Variants in HACL1 observed in about 807,000 individuals in gnomAD.
The protein encoded by HACL1 is 2-hydroxyacyl-CoA lyase 1, also known as 1600020H07Rik.
A neutral mutation model predicts 74.2 loss-of-function variants in HACL1; 64 were observed. The observed-to-expected ratio is 0.86, with a 90% CI of 0.70 to 1.06. The LOEUF is 1.06. HACL1 is among the 50% of genes least tolerant of loss of function. The pLI is 0.00. For synonymous variants in HACL1, 230 were observed against 238.8 expected (o/e 0.96, Z 0.34); for missense variants, 728 against 719.7 (o/e 1.01, Z -0.13).
intron 7 of HACL1, among the ~76,000 whole-genome samples, chr3:15,584,040 A>T (rs561833969): frequency 1.3e-4 from 20 of 152,328 alleles, no homozygotes; most frequent in African/African-American, 4.3e-4. Context: ...TGTCACAGTT[A>T]AGTATTTCTG....
rs2064239395 is a variant in HACL1, at chr3:15,601,493, C to T, written c.-30G>A. 1 of 1,610,898 alleles carries T rather than the reference C, an allele frequency of 6.2e-7. No homozygotes were observed. Among genetic ancestry groups the T allele is most frequent in the African/African-American group, 1.3e-5 (1 of 74,934 alleles). ...CACCGAAAAGCTCTAAGCACTCACGCAGCCGGCAAACAAGCGGAATCATCC... is the reference window on the plus strand; with the variant it reads ...CACCGAAAAGCTCTAAGCACTCACGTAGCCGGCAAACAAGCGGAATCATCC... On this transcript the variant is annotated 5_prime_UTR_variant, in exon 1 of 17. Transcript: ENST00000321169.
intron 8 of HACL1, among the ~76,000 whole-genome samples, chr3:15,582,297 T>A (rs904807000): frequency 3.3e-5 from 5 of 152,202 alleles, no homozygotes; most frequent in African/African-American, 1.2e-4. Flanking sequence ...AACTTTTCTT[T>A]CTAGGAAACT....
At chr3:15,578,033 G>A (rs1244686640) in intron 9 of HACL1, among the ~76,000 whole-genome samples, 2 of 147,398 alleles carry the variant, frequency 1.4e-5, no homozygotes, top group Non-Finnish European at 3.0e-5. Context: ...AGGAGACAGA[G>A]CTTGCAGTGA....
At position 15,581,798 on chromosome 3, in the gene HACL1, C is replaced by A. The variant is rs547218038; in HGVS notation, c.667+1079G>T. ...TCTCCCCTCCCCAATAGGTAGGAACCACTATTTCTCTGTATCCCTCATGAA... is the reference window on the plus strand; with the variant it reads ...TCTCCCCTCCCCAATAGGTAGGAACAACTATTTCTCTGTATCCCTCATGAA... On this transcript the variant is annotated intron_variant, in intron 8 of 16. Coordinates refer to ENST00000321169, the MANE Select transcript of HACL1 (RefSeq NM_012260.4). Among the ~76,000 whole-genome samples, 5 of 152,324 alleles carry A rather than the reference C, an allele frequency of 3.3e-5. No individual in the cohort carries two copies. The South Asian group carries it at 6.2e-4, about 19-fold the overall frequency.
chr3:15,586,778 G>A (rs2063802138), intron 5 of HACL1, among the ~76,000 whole-genome samples, 176 bp from the exon 6 acceptor site: 1 of 152,136 alleles, frequency 6.6e-6, no homozygotes, highest in South Asian at 2.1e-4. Flanking sequence ...GCCTTGGTAT[G>A]ATTCAGGAAG....
Position 15,568,506 on chromosome 3 carries a change from A to T in HACL1, c.1176T>A (p.Cys392Ter), listed in dbSNP as rs2063472713. 6.3e-7 allele frequency: 1 copy of T among 1,599,256 alleles called. No individual in the cohort carries two copies. Among genetic ancestry groups the T allele is most frequent in the African/African-American group, 1.3e-5 (1 of 74,658 alleles). Reference protein sequence around the residue: ...YHVQEQLPRDCFVVSEGANTM... With the variant: ...YHVQEQLPRD ...TATTTGCTCCTTCACTTACCACGAAACAGTCTCTAGGTAGTTGTTCTTGAA... is the reference window on the plus strand; with the variant it reads ...TATTTGCTCCTTCACTTACCACGAATCAGTCTCTAGGTAGTTGTTCTTGAA... Residue 392 changes from cysteine to a stop codon, truncating the protein, a stop_gained, in exon 13 of 17, where the codon TGT becomes TGA. Coordinates refer to ENST00000321169, the MANE Select transcript of HACL1 (RefSeq NM_012260.4). LOFTEE classifies it high-confidence loss of function.
chr3:15,591,087 AAAGT>A (rs1182167213), intron 4 of HACL1, among the ~76,000 whole-genome samples: 2 of 152,158 alleles, frequency 1.3e-5, no homozygotes, highest in Admixed American at 6.5e-5. Flanking sequence ...TCAAAAAAAG[AAAGT>A]GTTTATCTCT....
intron 14 of HACL1, among the ~76,000 whole-genome samples, chr3:15,565,481 C>T (rs1187203795): frequency 6.6e-6 from 1 of 152,080 alleles, no homozygotes; most frequent in African/African-American, 2.4e-5. Context: ...ATGGTGTAGT[C>T]AGTACAGAAA....
At chr3:15,585,211 A>G (rs2125264529) in intron 7 of HACL1, 37 bp downstream of exon 7, 1 of 970,416 alleles carries the variant, frequency 1.0e-6, no homozygotes, top group Non-Finnish European at 1.7e-6. Flanking sequence ...TAATACATGT[A>G]CATTGAAGAA....
chr3:15,591,946 TAC>T (rs754164221), intron 3 of HACL1, among the ~76,000 whole-genome samples: 3 of 149,984 alleles, frequency 2.0e-5, no homozygotes, highest in South Asian at 2.1e-4. Flanking sequence ...CGTGTATATA[TAC>T]ACACACTATA....
chr3:15,600,804 G>T, intron 2 of HACL1: 1 of 477,684 alleles, frequency 2.1e-6, no homozygotes, highest in Non-Finnish European at 3.8e-6. Flanking sequence ...TTCCAATCAT[G>T]ACATACAGTA....
At chr3:15,595,933 C>T (rs1356407070) in intron 3 of HACL1, 1 of 152,766 alleles carries the variant, frequency 6.5e-6, no homozygotes, top group Admixed American at 6.5e-5. Flanking sequence ...CTTCTTTGTG[C>T]TTTCTATATT....
chr3:15,596,511 G>A (rs1284894838), intron 2 of HACL1, 87 bp from the exon 3 acceptor site: 1 of 764,024 alleles, frequency 1.3e-6, no homozygotes, highest in African/African-American at 1.7e-5. Flanking sequence ...TAATAGACAA[G>A]AACATAGTGG....
At position 15,573,239 on chromosome 3, in the gene HACL1, C is replaced by G. The variant is rs749015768; in HGVS notation, c.913G>C (p.Asp305His). Residue 305 changes from aspartate to histidine, a missense_variant, in exon 11 of 17, where the codon GAT (aspartate) becomes CAT (histidine). By Grantham distance (81) the Asp-to-His change is moderately conservative. Transcript: ENST00000321169. Reference protein sequence around the residue: ...YQPDVKFIQVDICAEELGNNV... With the variant: ...YQPDVKFIQVHICAEELGNNV... ...TTCCCCAATTCTTCTGCACAGATATCAACCTAAAAAAGAGACAAGGCTAAA... is the reference window on the plus strand; with the variant it reads ...TTCCCCAATTCTTCTGCACAGATATGAACCTAAAAAAGAGACAAGGCTAAA... 1.3e-6 allele frequency: 2 copies of G among 1,596,946 alleles called. No homozygotes were observed. The highest frequency in any genetic ancestry group is 2.2e-5 in the South Asian group (2 of 90,578).
chr3:15,594,791 C>T (rs1235352030), intron 3 of HACL1, among the ~76,000 whole-genome samples: 1 of 152,176 alleles, frequency 6.6e-6, no homozygotes, highest in Non-Finnish European at 1.5e-5. Context: ...CTATACTTGC[C>T]AGTGCAGCTC....
intron 12 of HACL1, among the ~76,000 whole-genome samples, chr3:15,569,712 CG>C (rs2063492052): frequency 6.6e-6 from 1 of 151,744 alleles, no homozygotes; most frequent in Non-Finnish European, 1.5e-5. Context: ...TCCAGCTACT[CG>C]GGATGCTGAG....
At position 15,585,327 on chromosome 3, in the gene HACL1, T is replaced by TA. The variant is rs761598833; in HGVS notation, c.474dup (p.Ile159TyrfsTer11). ...TAGCAAGCACCTGGACGACCATAGA[T>TA]ACTGCTTCTCACTGCCTACGTTCAT... On this transcript the variant is annotated frameshift_variant, in exon 7 of 17. Coordinates refer to ENST00000321169, the MANE Select transcript of HACL1 (RefSeq NM_012260.4). LOFTEE classifies it high-confidence loss of function. The TA allele has an allele frequency of 1.9e-6, 3 of 1,595,286 alleles. No homozygotes were observed. The African/African-American group carries it at 4.0e-5, about 21-fold the overall frequency.
At chr3:15,592,371 C>T (rs115846098) in intron 3 of HACL1, among the ~76,000 whole-genome samples, 486 of 138,634 alleles carry the variant, frequency 3.5e-3, no homozygotes, top group African/African-American at 0.015. Flanking sequence ...TGTATACATA[C>T]AGACACACGT....
chr3:15,565,998 G>A (rs1464442576), intron 14 of HACL1, among the ~76,000 whole-genome samples: 3 of 152,170 alleles, frequency 2.0e-5, no homozygotes, highest in Non-Finnish European at 4.4e-5. Flanking sequence ...TGGGGGGTAT[G>A]CATAGGTTAT....
Sources: gnomAD v4.1 joint callset for allele counts (sites outside exome capture counted in the v4.1 genomes callset) on GRCh38, gnomAD v4.1.1 for gene constraint, MANE v1.5 for transcripts, NCBI Gene and HGNC (gene_info 2026-07-23, HGNC 2026-07-21) for gene names.